Variants in SIPA1L1 observed in about 807,000 individuals in gnomAD.
SIPA1L1 encodes the protein signal-induced proliferation-associated 1-like protein 1.
A neutral mutation model predicts 162.7 loss-of-function variants in SIPA1L1; 26 were observed. That is an observed-to-expected ratio of 0.16 (90% confidence interval 0.12 to 0.22). The LOEUF is 0.22. SIPA1L1 is among the 10% of genes least tolerant of loss of function. The pLI, the probability that SIPA1L1 is intolerant of heterozygous loss-of-function variation, is 1.00. For synonymous variants in SIPA1L1, 829 were observed against 837.4 expected (o/e 0.99, Z 0.17); for missense variants, 1,874 against 2,241.0 (o/e 0.84, Z 3.31).
chr14:71,438,539 C>T (rs2044587432), intron 2 of SIPA1L1, among the ~76,000 whole-genome samples: 1 of 152,214 alleles, frequency 6.6e-6, no homozygotes. Context: ...GCAGTCTTTA[C>T]TTTCATTCCA....
chr14:71,336,122 G>T (rs529347983), intron 2 of SIPA1L1, among the ~76,000 whole-genome samples: 1 of 152,288 alleles, frequency 6.6e-6, no homozygotes, highest in South Asian at 2.1e-4. Flanking sequence ...AAGTGCAATA[G>T]TTGCTTTTAT....
chr14:71,539,242 A>G (rs2054166143), intron 4 of SIPA1L1, among the ~76,000 whole-genome samples: 2 of 152,164 alleles, frequency 1.3e-5, no homozygotes, highest in Admixed American at 1.3e-4. Context: ...CTCTCTCATA[A>G]GCTGTAGAAG....
In SIPA1L1 at chr14:71,343,543, A is replaced by G. The variant is rs552038785; in HGVS notation, c.-465+22362A>G. On this transcript the variant is annotated intron_variant, in intron 2 of 23. Coordinates refer to ENST00000381232, the MANE Select transcript of SIPA1L1 (RefSeq NM_001386936.1). The stretch of plus-strand genomic sequence containing the variant: ...AGACTTCGTGGAAAATTTGGAAAAT[A>G]CAGGAAAGTATGAGGAAGAAAAATG... 3.9e-5 allele frequency among the ~76,000 whole-genome samples: 6 copies of G among 152,322 alleles called. No individual in the cohort carries two copies. The South Asian group carries it at 1.2e-3, about 32-fold the overall frequency.
rs541984101 is a variant in SIPA1L1, at chr14:71,587,743, A to G, written c.-130A>G. On this transcript the variant is annotated 5_prime_UTR_variant, in exon 5 of 24. It removes an upstream start codon present in the reference 5' UTR. Coordinates refer to ENST00000381232, the MANE Select transcript of SIPA1L1 (RefSeq NM_001386936.1). ...AATAAAGCATCATTTAACCTTTTAA[A>G]TGAAAAAGATTAAGATCTCATGCAA... The G allele has an allele frequency of 4.6e-6, 4 of 867,180 alleles. No homozygotes were observed. The highest frequency in any genetic ancestry group is 2.4e-5 in the Admixed American group (1 of 41,858). 53.7% of individuals were successfully genotyped at this position (867,180 alleles called of 1,614,324 possible).
chr14:71,357,637 C>T (rs1234000339), intron 2 of SIPA1L1, among the ~76,000 whole-genome samples: 1 of 152,188 alleles, frequency 6.6e-6, no homozygotes, highest in African/African-American at 2.4e-5. Flanking sequence ...TCTCCGCTCA[C>T]TGCAATCTCT....
chr14:71,350,255 AC>A (rs2036571174), intron 2 of SIPA1L1, among the ~76,000 whole-genome samples: 3 of 151,456 alleles, frequency 2.0e-5, no homozygotes, highest in African/African-American at 7.3e-5. Flanking sequence ...ACACACACAC[AC>A]AATTAGCTGG....
intron 4 of SIPA1L1, chr14:71,573,684 T>G: frequency 2.2e-6 from 1 of 456,710 alleles, no homozygotes. Context: ...CTCAACAACA[T>G]GAATATTTTC....
chr14:71,603,810 G>C (rs2037101068), intron 5 of SIPA1L1, among the ~76,000 whole-genome samples: 1 of 151,284 alleles, frequency 6.6e-6, no homozygotes, highest in South Asian at 2.1e-4. Flanking sequence ...AGCTACTCAG[G>C]AGGCTGAGGC....
At chr14:71,556,935 T>C (rs2056405567) in intron 4 of SIPA1L1, among the ~76,000 whole-genome samples, 1 of 152,038 alleles carries the variant, frequency 6.6e-6, no homozygotes, top group African/African-American at 2.4e-5. Context: ...GAGTGTCTTT[T>C]GATCCACAAT....
At chr14:71,322,264 C>G (rs981747157) in intron 2 of SIPA1L1, among the ~76,000 whole-genome samples, 1 of 152,322 alleles carries the variant, frequency 6.6e-6, no homozygotes, top group African/African-American at 2.4e-5. Flanking sequence ...TAAGTGTCAA[C>G]TTTCTCCTGT....
In SIPA1L1 at chr14:71,698,997, G is replaced by T. The variant is rs1003760934; in HGVS notation, c.3391G>T (p.Asp1131Tyr). 1.2e-6 allele frequency: 2 copies of T among 1,614,058 alleles called. No individual in the cohort carries two copies. The highest frequency in any genetic ancestry group is 1.6e-4 in the Middle Eastern group (1 of 6,084). The change falls in exon 14 of 24, where the codon GAC becomes TAC. Residue 1131 changes from aspartate to tyrosine, a missense_variant. Around this residue, in one of 5 missense-constraint regions of SIPA1L1, gnomAD observed 936 missense variants for 1,051.9 expected, o/e 0.89. Coordinates refer to ENST00000381232, the MANE Select transcript of SIPA1L1 (RefSeq NM_001386936.1). ...CACATGCAGGCTGTCTCCTGGTTCG[G>T]ACATCTATGTGACGGTCTCATCCAT... is the stretch of plus-strand genomic sequence containing the variant. ...PLERRLSPGS[D>Y]IYVTVSSMAL...
chr14:71,738,930 T>C (rs1460805040), intron 23 of SIPA1L1, 88 bp from the exon 24 acceptor site: 3 of 1,444,466 alleles, frequency 2.1e-6, no homozygotes, highest in Non-Finnish European at 2.8e-6. Context: ...GGACAAAAGA[T>C]CAAAACGGGT....
At chr14:71,537,822 AAG>A (rs1373300507) in intron 4 of SIPA1L1, among the ~76,000 whole-genome samples, 1 of 152,162 alleles carries the variant, frequency 6.6e-6, no homozygotes, top group Admixed American at 6.5e-5. Context: ...GAGAGAGAAA[AAG>A]AGTTCAGGTG....
chr14:71,560,724 T>C (rs2056719600), intron 4 of SIPA1L1, among the ~76,000 whole-genome samples: 1 of 152,200 alleles, frequency 6.6e-6, no homozygotes, highest in Non-Finnish European at 1.5e-5. Flanking sequence ...AGTAAAGAAT[T>C]GGGAGAACAG....
chr14:71,646,456 G>A (rs545099167), intron 7 of SIPA1L1, among the ~76,000 whole-genome samples: 50 of 152,306 alleles, frequency 3.3e-4, no homozygotes, highest in Non-Finnish European at 7.1e-4. Flanking sequence ...GATTACAGGC[G>A]TGAGCCTGCA....
Position 71,739,393 on chromosome 14 carries a change from T to G in SIPA1L1, c.*232T>G. The G allele has an allele frequency of 3.2e-6, 1 of 315,746 alleles. No individual in the cohort carries two copies. Among genetic ancestry groups the G allele is most frequent in the Non-Finnish European group, 5.8e-6 (1 of 173,372 alleles). The allele number at this position is 315,746 out of a possible 1,614,324, so 19.6% of individuals were successfully genotyped here. On this transcript the variant is annotated 3_prime_UTR_variant, in exon 24 of 24. Coordinates refer to ENST00000381232, the MANE Select transcript of SIPA1L1 (RefSeq NM_001386936.1). ...AAATTTTAAACAGTAAAATAAAAGT[T>G]TAACTGCTAAAATGTGAATGTCTTT...
At chr14:71,410,702 A>C (rs949788075) in intron 2 of SIPA1L1, among the ~76,000 whole-genome samples, 8 of 152,202 alleles carry the variant, frequency 5.3e-5, no homozygotes, top group African/African-American at 1.9e-4. Context: ...TTTCAGATTA[A>C]GAATACTCAG....
At chr14:71,523,076 A>G (rs1198360557) in intron 3 of SIPA1L1, among the ~76,000 whole-genome samples, 1 of 151,938 alleles carries the variant, frequency 6.6e-6, no homozygotes, top group Non-Finnish European at 1.5e-5. Flanking sequence ...ATCTGTGTCC[A>G]TTCTGTGATT....
intron 2 of SIPA1L1, among the ~76,000 whole-genome samples, chr14:71,362,769 A>G (rs1207103921): frequency 1.3e-5 from 2 of 152,180 alleles, no homozygotes; most frequent in Non-Finnish European, 2.9e-5. Context: ...CAAGATTTTT[A>G]TGAAAAGTAG....
Sources: allele counts gnomAD v4.1 joint callset (sites outside exome capture counted in the v4.1 genomes callset), GRCh38; gene constraint gnomAD v4.1.1; regional missense constraint gnomAD v4.1.1; transcripts MANE v1.5; gene names NCBI Gene and HGNC (gene_info 2026-07-23, HGNC 2026-07-21).